KIAA2012: variants seen among roughly 807,000 people sequenced by gnomAD.
The protein encoded by KIAA2012 is KIAA2012, also known as uncharacterized protein KIAA2012.
KIAA2012 carries 125 observed loss-of-function variants against 150.6 expected under a neutral mutation model. The ratio of observed to expected loss-of-function variants is 0.83; its 90% CI spans 0.72 to 0.96. The LOEUF is 0.96. Among genes scored for constraint, KIAA2012 ranks in the 40% least tolerant of loss-of-function variants. The pLI is 0.00. For synonymous variants in KIAA2012, 462 were observed against 504.7 expected (o/e 0.92, Z 1.13); for missense variants, 1,219 against 1,354.9 (o/e 0.90, Z 1.57).
At chr2:202,093,935 G>C (rs207462800) in intron 4 of KIAA2012, among the ~76,000 whole-genome samples, 1 of 152,172 alleles carries the variant, frequency 6.6e-6, no homozygotes, top group South Asian at 2.1e-4. Flanking sequence ...AGGCAAAGAC[G>C]AGAGCCTTGG....
chr2:202,135,987 CA>C, intron 12 of KIAA2012: 1 of 302,844 alleles, frequency 3.3e-6, no homozygotes. Context: ...CAAGCTGATT[CA>C]AATTTAAAAA....
chr2:202,076,157 T>C (rs1306975267), intron 2 of KIAA2012, among the ~76,000 whole-genome samples: 1 of 152,206 alleles, frequency 6.6e-6, no homozygotes, highest in Non-Finnish European at 1.5e-5. Flanking sequence ...TAGGCAGAGA[T>C]AGCTCATGCC....
chr2:202,084,332 C>G (rs888025293), intron 2 of KIAA2012, among the ~76,000 whole-genome samples: 13 of 152,078 alleles, frequency 8.5e-5, no homozygotes, highest in African/African-American at 2.7e-4. Context: ...CTTCAGTGGC[C>G]AGCACTAGAG....
chr2:202,133,130 A>T (rs12997359), intron 12 of KIAA2012, among the ~76,000 whole-genome samples: 28,972 of 67,820 alleles, frequency 0.43, 7,364 homozygotes, highest in Middle Eastern at 0.53. Context: ...ATATATATAT[A>T]TTTTTTTTTT....
At chr2:202,128,223 G>A (rs1287006279) in intron 12 of KIAA2012, among the ~76,000 whole-genome samples, 1 of 152,110 alleles carries the variant, frequency 6.6e-6, no homozygotes, top group Non-Finnish European at 1.5e-5. Context: ...TCACTGCATT[G>A]TCCACTGACT....
chr2:202,166,169 G>A (rs1335070238), intron 15 of KIAA2012, among the ~76,000 whole-genome samples: 4 of 152,214 alleles, frequency 2.6e-5, no homozygotes, highest in African/African-American at 7.2e-5. Context: ...GTCTCATGAC[G>A]GAAGAGCAGG....
At position 202,194,913 on chromosome 2, in the gene KIAA2012, C is replaced by T. The variant is rs529248443; in HGVS notation, c.3187+551C>T. 2.0e-4 allele frequency among the ~76,000 whole-genome samples: 30 copies of T among 151,938 alleles called. 1 individual carries two copies. Among genetic ancestry groups the T allele is most frequent in the Admixed American group, 1.4e-3 (22 of 15,260 alleles). ...CCTTCCAAGTAGCTGGGATTACAGGCGCCCGCCACCATGCACAGATAATTT... is the reference window on the plus strand; with the variant it reads ...CCTTCCAAGTAGCTGGGATTACAGGTGCCCGCCACCATGCACAGATAATTT... On this transcript the variant is annotated intron_variant, in intron 21 of 23. Coordinates refer to ENST00000498697, the MANE Select transcript of KIAA2012 (RefSeq NM_001277372.4).
rs78171595 is a variant in KIAA2012 at position 202,112,452 on chromosome 2, C to T, written c.1652-884C>T. 6.5e-4 allele frequency among the ~76,000 whole-genome samples: 99 copies of T among 152,286 alleles called. 1 individual carries two copies. The East Asian group carries it at 0.012, about 19-fold the overall frequency. ...TAAGTAAGCGTTTCCCTGAGTTCTG[C>T]GAGCTGTCCTACCAAATTGTTGAAC... On this transcript the variant is annotated intron_variant, in intron 10 of 23. Coordinates refer to ENST00000498697, the MANE Select transcript of KIAA2012 (RefSeq NM_001277372.4).
intron 14 of KIAA2012, among the ~76,000 whole-genome samples, chr2:202,155,335 G>A (rs1437031373): frequency 1.3e-5 from 2 of 152,162 alleles, no homozygotes; most frequent in Non-Finnish European, 2.9e-5. Context: ...TATAGTGAGG[G>A]TGGCATTTGT....
chr2:202,123,166 C>T (rs1279303758), intron 11 of KIAA2012, among the ~76,000 whole-genome samples: 3 of 152,178 alleles, frequency 2.0e-5, no homozygotes, highest in African/African-American at 7.2e-5. Context: ...TTGGGAGCTA[C>T]GAGGCAAAGG....
At chr2:202,126,361 G>A (rs1198338866) in intron 12 of KIAA2012, among the ~76,000 whole-genome samples, 1 of 152,142 alleles carries the variant, frequency 6.6e-6, no homozygotes, top group African/African-American at 2.4e-5. Context: ...GGCAAATCAG[G>A]GTGGAAGGAT....
chr2:202,086,181 A>AAAAG (rs1689565181), intron 2 of KIAA2012, among the ~76,000 whole-genome samples: 1 of 150,800 alleles, frequency 6.6e-6, no homozygotes, highest in Non-Finnish European at 1.5e-5. Context: ...AAAAAAAAAA[A>AAAAG]AAAAAGAAAG....
At chr2:202,140,563 G>T (rs1691178482) in intron 13 of KIAA2012, among the ~76,000 whole-genome samples, 1 of 152,162 alleles carries the variant, frequency 6.6e-6, no homozygotes, top group African/African-American at 2.4e-5. Context: ...AGGGAGGTGG[G>T]GGTGACTTCC....
At chr2:202,198,616 CTT>C (rs1692454776) in intron 22 of KIAA2012, among the ~76,000 whole-genome samples, 1 of 152,146 alleles carries the variant, frequency 6.6e-6, no homozygotes, top group Non-Finnish European at 1.5e-5. Flanking sequence ...TTTCAATTGA[CTT>C]TTTAAAAGCT....
At chr2:202,198,207 A>G (rs1692448624) in intron 22 of KIAA2012, among the ~76,000 whole-genome samples, 1 of 149,420 alleles carries the variant, frequency 6.7e-6, no homozygotes, top group Non-Finnish European at 1.5e-5. Flanking sequence ...AGGATTTGAT[A>G]GGATTGCAAG....
chr2:202,074,456 C>A (rs1689277050), intron 1 of KIAA2012, among the ~76,000 whole-genome samples: 1 of 152,172 alleles, frequency 6.6e-6, no homozygotes, highest in African/African-American at 2.4e-5. Flanking sequence ...TACATAGCAT[C>A]TGGAATGTAT....
intron 14 of KIAA2012, among the ~76,000 whole-genome samples, chr2:202,162,579 GTCT>G (rs1283749401): frequency 7.2e-6 from 1 of 139,854 alleles, no homozygotes; most frequent in East Asian, 2.1e-4. Flanking sequence ...TTGGCCCAGA[GTCT>G]TTTTTTTTTT....
In KIAA2012 at chr2:202,160,462, C is replaced by T. The variant is rs554258265; in HGVS notation, c.2047-4822C>T. Among the ~76,000 whole-genome samples the T allele has an allele frequency of 1.1e-4, 17 of 152,040 alleles. No homozygotes were observed. The South Asian group carries it at 1.5e-3, about 13-fold the overall frequency. ...CCAAGTAGCTGGGACTACAGGCGCCCGCCACCATGCCCAGCTGATTTTTTA... is the reference window on the plus strand; with the variant it reads ...CCAAGTAGCTGGGACTACAGGCGCCTGCCACCATGCCCAGCTGATTTTTTA... On this transcript the variant is annotated intron_variant, in intron 14 of 23. Coordinates refer to ENST00000498697, the MANE Select transcript of KIAA2012 (RefSeq NM_001277372.4).
chr2:202,138,660 C>A (rs559069581), intron 13 of KIAA2012, among the ~76,000 whole-genome samples, 152 bp downstream of exon 13: 5 of 152,178 alleles, frequency 3.3e-5, no homozygotes, highest in Admixed American at 6.5e-5. Context: ...TATGAAATCA[C>A]AGAGGTTCCT....
Sources: allele counts gnomAD v4.1 joint callset (sites outside exome capture counted in the v4.1 genomes callset), GRCh38; gene constraint gnomAD v4.1.1; transcripts MANE v1.5; gene names NCBI Gene and HGNC (gene_info 2026-07-23, HGNC 2026-07-21).